NAALADL2: variants seen among roughly 807,000 people sequenced by gnomAD.
NAALADL2 encodes the protein inactive N-acetylated-alpha-linked acidic dipeptidase-like protein 2.
A neutral mutation model predicts 87.2 loss-of-function variants in NAALADL2; 76 were observed. The ratio of observed to expected loss-of-function variants is 0.87; its 90% confidence interval spans 0.72 to 1.05. The LOEUF (loss-of-function observed/expected upper bound fraction) is 1.05. Among genes scored for constraint, NAALADL2 ranks in the 50% least tolerant of loss-of-function variants. The pLI, the probability that NAALADL2 is intolerant of heterozygous loss-of-function variation, is 0.00. For synonymous variants in NAALADL2, 354 were observed against 331.0 expected, an observed-to-expected ratio of 1.07 and a Z score of -0.75; for missense variants, 1,089 against 945.8, an observed-to-expected ratio of 1.15 and a Z score of -1.99.
At chr3:174,888,770 C>A (rs965960024) in intron 1 of NAALADL2, among the ~76,000 whole-genome samples, 5 of 152,146 alleles carry the variant, frequency 3.3e-5, no homozygotes, top group African/African-American at 1.2e-4. Flanking sequence ...TAACAGATTT[C>A]AAAATACTGT....
At chr3:174,827,888 AGT>A (rs1722176861) in intron 3 of NAALADL2, among the ~76,000 whole-genome samples, 1 of 152,124 alleles carries the variant, frequency 6.6e-6, no homozygotes, top group South Asian at 2.1e-4. Flanking sequence ...TGGGACTCAA[AGT>A]TATCATTTCC....
intron 1 of NAALADL2, among the ~76,000 whole-genome samples, chr3:174,972,417 G>C (rs1170057967): frequency 6.6e-6 from 1 of 152,092 alleles, no homozygotes; most frequent in African/African-American, 2.4e-5. Context: ...AGTAGGTTTT[G>C]TTTCTCCTGA....
intron 9 of NAALADL2, among the ~76,000 whole-genome samples, chr3:175,494,657 G>C (rs951285742): frequency 2.6e-5 from 4 of 152,066 alleles, no homozygotes; most frequent in Non-Finnish European, 4.4e-5. Context: ...GTTCTACACT[G>C]ATGTGACTAA....
intron 2 of NAALADL2, among the ~76,000 whole-genome samples, chr3:174,564,938 A>G (rs1714066865): frequency 6.6e-6 from 1 of 151,686 alleles, no homozygotes; most frequent in Non-Finnish European, 1.5e-5. Flanking sequence ...TGTCATATTT[A>G]TTTATTTTTA....
At chr3:175,609,426 CTT>C (rs954242742) in intron 10 of NAALADL2, 1 of 151,760 alleles carries the variant, frequency 6.6e-6, no homozygotes, top group Non-Finnish European at 1.5e-5. Flanking sequence ...GTATATATGA[CTT>C]TTTTTTAAGA....
intron 9 of NAALADL2, among the ~76,000 whole-genome samples, chr3:175,557,626 G>A (rs1715507615): frequency 6.6e-6 from 1 of 151,648 alleles, no homozygotes; most frequent in African/African-American, 2.4e-5. Context: ...TTAATTTTTA[G>A]TTCCCACAAA....
At chr3:175,531,546 A>T (rs1186508954) in intron 9 of NAALADL2, among the ~76,000 whole-genome samples, 1 of 152,226 alleles carries the variant, frequency 6.6e-6, no homozygotes, top group African/African-American at 2.4e-5. Flanking sequence ...AAAACTGATT[A>T]AGGTCTCTCT....
chr3:175,687,131 G>C (rs1736402436), intron 11 of NAALADL2, among the ~76,000 whole-genome samples: 1 of 152,076 alleles, frequency 6.6e-6, no homozygotes. Context: ...CCTAAATGGT[G>C]TCTTAAATGG....
chr3:174,481,635 C>T (rs1384463204), intron 1 of NAALADL2, among the ~76,000 whole-genome samples: 3 of 151,996 alleles, frequency 2.0e-5, no homozygotes, highest in African/African-American at 7.3e-5. Flanking sequence ...CAGGACTCAA[C>T]ATATAGTTGT....
At chr3:175,320,293 T>C (rs967128161) in intron 4 of NAALADL2, among the ~76,000 whole-genome samples, 7 of 152,276 alleles carry the variant, frequency 4.6e-5, no homozygotes, top group African/African-American at 1.7e-4. Context: ...CAAGTTCTTC[T>C]GTTCCATCAT....
chr3:175,163,943 A>AAAC (rs1733607018), intron 2 of NAALADL2, among the ~76,000 whole-genome samples: 1 of 152,214 alleles, frequency 6.6e-6, no homozygotes, highest in South Asian at 2.1e-4. Flanking sequence ...TTTGAATGTG[A>AAAC]AACAGGTTCT....
At chr3:174,966,339 C>T (rs907866184) in intron 1 of NAALADL2, among the ~76,000 whole-genome samples, 2 of 152,134 alleles carry the variant, frequency 1.3e-5, no homozygotes, top group Non-Finnish European at 2.9e-5. Context: ...GGTGCATTCA[C>T]ATGATCTGTT....
intron 1 of NAALADL2, among the ~76,000 whole-genome samples, chr3:174,984,690 C>T (rs1054857417): frequency 6.6e-6 from 1 of 152,006 alleles, no homozygotes; most frequent in East Asian, 1.9e-4. Flanking sequence ...CTTTAAGCTC[C>T]TGAAATTATG....
At chr3:175,010,953 T>A (rs1239081361) in intron 1 of NAALADL2, among the ~76,000 whole-genome samples, 1 of 152,150 alleles carries the variant, frequency 6.6e-6, no homozygotes, top group Non-Finnish European at 1.5e-5. Flanking sequence ...TTGCACAATG[T>A]TTGGTATAAA....
intron 13 of NAALADL2, among the ~76,000 whole-genome samples, chr3:175,785,646 G>T (rs1276206000): frequency 1.5e-5 from 2 of 131,476 alleles, no homozygotes; most frequent in Non-Finnish European, 3.2e-5. Flanking sequence ...GATGGGTCTT[G>T]ACTCTTTATC....
intron 10 of NAALADL2, among the ~76,000 whole-genome samples, chr3:175,613,067 A>G (rs140269801): frequency 6.6e-6 from 1 of 152,082 alleles, no homozygotes; most frequent in East Asian, 1.9e-4. Flanking sequence ...CTCATCCATA[A>G]TGACTCCTCC....
chr3:174,753,068 A>G (rs534145902), intron 3 of NAALADL2, among the ~76,000 whole-genome samples: 1 of 152,138 alleles, frequency 6.6e-6, no homozygotes, highest in Admixed American at 6.5e-5. Flanking sequence ...TAATTTGCTA[A>G]CAAATTTACC....
chr3:175,628,178 C>T (rs541962391), intron 11 of NAALADL2, among the ~76,000 whole-genome samples: 1 of 151,798 alleles, frequency 6.6e-6, no homozygotes, highest in African/African-American at 2.4e-5. Flanking sequence ...TGGTTCTTCA[C>T]TTTCAGTGCC....
At chr3:174,773,794 G>A (rs574198466) in intron 3 of NAALADL2, among the ~76,000 whole-genome samples, 135 of 152,212 alleles carry the variant, frequency 8.9e-4, no homozygotes, top group Non-Finnish European at 1.7e-3. Flanking sequence ...CGTTAGGTAG[G>A]TGTACTTACT....
Sources: gnomAD v4.1 joint callset for allele counts (sites outside exome capture counted in the v4.1 genomes callset) on GRCh38, gnomAD v4.1.1 for gene constraint, MANE v1.5 for transcripts, NCBI Gene and HGNC (gene_info 2026-07-23, HGNC 2026-07-21) for gene names.